Variants in ABCC3 observed in about 807,000 individuals in gnomAD.
ABCC3 encodes the protein ATP-binding cassette sub-family C member 3.
In ABCC3, 121 loss-of-function variants were observed where a neutral mutation model predicts 165.3. That is an observed-to-expected ratio of 0.73 (90% confidence interval 0.63 to 0.85). The LOEUF (loss-of-function observed/expected upper bound fraction) is 0.85. ABCC3 is among the 40% of genes least tolerant of loss of function. The probability of loss-of-function intolerance (pLI) is 0.00; values close to 1 mark genes in which losing one functional copy is unlikely to be tolerated. For missense variants in ABCC3, 1,869 were observed against 1,964.1 expected (o/e 0.95, Z 0.92); for synonymous variants, 733 against 810.1 (o/e 0.90, Z 1.62).
intron 25 of ABCC3, chr17:50,679,577 G>T: frequency 2.3e-6 from 1 of 428,702 alleles, no homozygotes; most frequent in Non-Finnish European, 4.3e-6. Context: ...AAACCAAGGC[G>T]AGGTGGTCCT....
chr17:50,687,041 C>T (rs1567839963), intron 29 of ABCC3, among the ~76,000 whole-genome samples: 1 of 152,180 alleles, frequency 6.6e-6, no homozygotes, highest in Non-Finnish European at 1.5e-5. Flanking sequence ...TTCCTCTGCC[C>T]TGCCATTTTC....
chr17:50,685,077 C>T (rs2146644661), intron 29 of ABCC3, among the ~76,000 whole-genome samples: 2 of 152,284 alleles, frequency 1.3e-5, no homozygotes, highest in Middle Eastern at 3.4e-3. Flanking sequence ...AGCGGTGGTC[C>T]ATGATCCCAC....
At position 50,691,416 on chromosome 17, in the gene ABCC3, G is replaced by T; in HGVS notation, c.*216G>T. ...ACACGCCTAAGGTCACAGCTAGTTT[G>T]AGCCAGTTAGACTAGTCCCCGGTCT... On this transcript the variant is annotated 3_prime_UTR_variant, in exon 31 of 31. Coordinates refer to ENST00000285238, the MANE Select transcript of ABCC3 (RefSeq NM_003786.4). The T allele has an allele frequency of 2.0e-6, 1 of 512,618 alleles. No individual in the cohort carries two copies. Among genetic ancestry groups the T allele is most frequent in the East Asian group, 3.4e-5 (1 of 29,720 alleles). 31.8% of individuals were successfully genotyped at this position (512,618 alleles called of 1,614,324 possible). A position where few individuals can be genotyped will look rare whatever the true frequency, so the allele number is the denominator to read the frequency against.
intron 1 of ABCC3, among the ~76,000 whole-genome samples, chr17:50,655,413 A>AAAAAAC (rs1967211362): frequency 6.7e-6 from 1 of 149,338 alleles, no homozygotes; most frequent in African/African-American, 2.4e-5. Context: ...TCAAAAAAAA[A>AAAAAAC]AAAAAAAACA....
chr17:50,673,397 C>T, intron 18 of ABCC3, 72 bp from the exon 19 acceptor site: 1 of 1,552,146 alleles, frequency 6.4e-7, no homozygotes, highest in Non-Finnish European at 8.8e-7. Context: ...CACACTCACT[C>T]TGTGGCTCCG....
chr17:50,653,115 G>T (rs559145237), intron 1 of ABCC3, among the ~76,000 whole-genome samples: 14 of 152,246 alleles, frequency 9.2e-5, no homozygotes, highest in Admixed American at 4.6e-4. Context: ...GGAGGCCGAG[G>T]TGGGTGGATC....
chr17:50,681,561 C>T (rs185233793), intron 26 of ABCC3, among the ~76,000 whole-genome samples: 30 of 152,254 alleles, frequency 2.0e-4, no homozygotes, highest in Admixed American at 1.3e-3. Context: ...AACCCTCCCC[C>T]CTGCACTCCA....
intron 1 of ABCC3, among the ~76,000 whole-genome samples, chr17:50,651,877 G>A (rs1199680818): frequency 6.6e-6 from 1 of 152,014 alleles, no homozygotes; most frequent in African/African-American, 2.4e-5. Context: ...TGTTTTTCTT[G>A]CTGACAAATT....
intron 25 of ABCC3, among the ~76,000 whole-genome samples, chr17:50,678,519 G>A (rs1418735366): frequency 2.0e-5 from 3 of 152,234 alleles, no homozygotes; most frequent in South Asian, 2.1e-4. Flanking sequence ...CTGCTCAGCC[G>A]TCGACCTTGC....
chr17:50,656,932 A>G, intron 3 of ABCC3, 105 bp downstream of exon 3: 1 of 1,547,558 alleles, frequency 6.5e-7, no homozygotes, highest in Non-Finnish European at 8.7e-7. Flanking sequence ...CATATTGGGA[A>G]TGGGAAGAAG....
chr17:50,643,571 A>G, intron 1 of ABCC3: 2 of 456,308 alleles, frequency 4.4e-6, no homozygotes, highest in Admixed American at 2.3e-5. Flanking sequence ...TGCCTGACTC[A>G]CCAAGGCCCT....
chr17:50,667,939 C>T lies in ABCC3; in HGVS notation c.1712C>T (p.Ser571Phe). 6.2e-7 allele frequency: 1 copy of T among 1,614,234 alleles called. No individual in the cohort carries two copies. Among genetic ancestry groups the T allele is most frequent in the Non-Finnish European group, 8.5e-7 (1 of 1,180,042 alleles). The part of the protein sequence containing the change: ...NVLDAEKAFV[S>F]VSLFNILRLP... Reference sequence around the variant, plus strand: ...CTGGACGCCGAGAAGGCCTTTGTGTCTGTGTCCTTGTTTAATATCTTAAGA... The same window carrying T: ...CTGGACGCCGAGAAGGCCTTTGTGTTTGTGTCCTTGTTTAATATCTTAAGA... Residue 571 changes from serine to phenylalanine, a missense_variant, in exon 13 of 31, where the codon TCT becomes TTT. By Grantham distance (155) the Ser-to-Phe change is radical. Coordinates refer to ENST00000285238, the MANE Select transcript of ABCC3 (RefSeq NM_003786.4).
At chr17:50,658,604 C>A in intron 6 of ABCC3, 108 bp downstream of exon 6, 1 of 1,211,782 alleles carries the variant, frequency 8.3e-7, no homozygotes, top group African/African-American at 1.5e-5. Context: ...GCCACCTATC[C>A]CACCCCCCAC....
chr17:50,661,346 G>A (rs966051329), intron 8 of ABCC3, among the ~76,000 whole-genome samples: 3 of 152,224 alleles, frequency 2.0e-5, no homozygotes, highest in Non-Finnish European at 4.4e-5. Flanking sequence ...TGGTGTGTAC[G>A]TTAACAAGCA....
chr17:50,653,923 G>T (rs1967169198), intron 1 of ABCC3, among the ~76,000 whole-genome samples: 1 of 152,160 alleles, frequency 6.6e-6, no homozygotes, highest in East Asian at 1.9e-4. Flanking sequence ...GTCTGCGATT[G>T]GCTGAAAGCT....
At chr17:50,670,996 T>G (rs1967636703) in intron 17 of ABCC3, among the ~76,000 whole-genome samples, 1 of 152,036 alleles carries the variant, frequency 6.6e-6, no homozygotes, top group East Asian at 1.9e-4. Context: ...CCCGGCATGG[T>G]GGCTCCCAGC....
Position 50,656,747 on chromosome 17 carries a change from T to G in ABCC3, c.268T>G (p.Tyr90Asp). The G allele has an allele frequency of 6.2e-7, 1 of 1,614,078 alleles. No individual in the cohort carries two copies. Among genetic ancestry groups the G allele is most frequent in the Non-Finnish European group, 8.5e-7 (1 of 1,179,978 alleles). ...GTGCGTCTCCTGGGCGGACCTTTTT[T>G]ACTCCTTCCATGGCCTGGTCCATGG... ...LWCVSWADLF[Y>D]SFHGLVHGRA... Residue 90 changes from tyrosine (Y) to aspartate (D), a missense_variant, in exon 3 of 31, where the codon TAC becomes GAC. Transcript: ENST00000285238.
Position 50,669,278 on chromosome 17 carries a change from A to AGGGTGT in ABCC3, c.2064+15_2064+16insTGTGGG, listed in dbSNP as rs1967592260. The AGGGTGT allele has an allele frequency of 1.2e-6, 2 of 1,613,970 alleles. No homozygotes were observed. The highest frequency in any genetic ancestry group is 2.2e-5 in the South Asian group (2 of 91,088). On this transcript the variant is annotated intron_variant, in intron 16 of 30. Transcript: ENST00000285238. Reference sequence around the variant, plus strand: ...AAGTGCACATGAAGGTGAGAGAGGCAGGGGCTCCTGGGCAGGGTGTGGGGC... The same window carrying AGGGTGT: ...AAGTGCACATGAAGGTGAGAGAGGCAGGGTGTGGGGCTCCTGGGCAGGGTGTGGGGC...
chr17:50,657,144 C>A lies in ABCC3; in HGVS notation c.447C>A (p.Ile149=), dbSNP rs1037736149. 4 of 1,614,026 alleles carry A rather than the reference C, an allele frequency of 2.5e-6. No individual in the cohort carries two copies. Among genetic ancestry groups the A allele is most frequent in the African/African-American group, 1.3e-5 (1 of 74,918 alleles). The change falls in exon 4 of 31, where the codon ATC becomes ATA. Residue 149 remains isoleucine, a synonymous_variant. Coordinates refer to ENST00000285238, the MANE Select transcript of ABCC3 (RefSeq NM_003786.4). Reference sequence around the variant, plus strand: ...GGTTCCTGTGTGTGGTCTGCGCCATCGTCCCATTCCGCTCCAAGATCCTTT... The same window carrying A: ...GGTTCCTGTGTGTGGTCTGCGCCATAGTCCCATTCCGCTCCAAGATCCTTT... ...IFWFLCVVCA[I]VPFRSKILLA...
Sources: gnomAD v4.1 joint callset for allele counts (sites outside exome capture counted in the v4.1 genomes callset) on GRCh38, gnomAD v4.1.1 for gene constraint, MANE v1.5 for transcripts, NCBI Gene and HGNC (gene_info 2026-07-23, HGNC 2026-07-21) for gene names.